The following IMMP2L variants were observed in gnomAD, a reference collection of about 807,000 sequenced individuals.
The protein encoded by IMMP2L is mitochondrial inner membrane protease subunit 2.
In IMMP2L, 18 loss-of-function variants were observed where a neutral mutation model predicts 19.3. The ratio of observed to expected loss-of-function variants is 0.93; its 90% CI spans 0.64 to 1.38. The LOEUF (loss-of-function observed/expected upper bound fraction) is 1.38. Among genes scored for constraint, IMMP2L ranks in the 40% most tolerant of loss-of-function variants. The pLI is 0.00. For synonymous variants in IMMP2L, 76 were observed against 73.0 expected, an observed-to-expected ratio of 1.04 and a Z score of -0.21; for missense variants, 233 against 218.2, an observed-to-expected ratio of 1.07 and a Z score of -0.43.
chr7:111,239,330 G>T (rs974807336), intron 3 of IMMP2L, among the ~76,000 whole-genome samples: 4 of 151,618 alleles, frequency 2.6e-5, no homozygotes, highest in Admixed American at 6.6e-5. Context: ...CCATCTCCTA[G>T]GCCCTAATTT....
chr7:111,198,076 C>A (rs1028617084), intron 3 of IMMP2L, among the ~76,000 whole-genome samples: 1 of 152,112 alleles, frequency 6.6e-6, no homozygotes, highest in East Asian at 1.9e-4. Context: ...CACTTTTTCA[C>A]CAAGGATTCC....
chr7:111,308,038 G>A (rs1323091755), intron 3 of IMMP2L, among the ~76,000 whole-genome samples: 1 of 151,896 alleles, frequency 6.6e-6, no homozygotes, highest in Non-Finnish European at 1.5e-5. Flanking sequence ...TAGTGATATA[G>A]TTCAACTCAG....
At chr7:111,528,212 G>A (rs1368656701) in intron 1 of IMMP2L, among the ~76,000 whole-genome samples, 3 of 152,022 alleles carry the variant, frequency 2.0e-5, no homozygotes, top group Non-Finnish European at 4.4e-5. Flanking sequence ...CCGGTCTTTT[G>A]TTCACACCTT....
intron 2 of IMMP2L, among the ~76,000 whole-genome samples, chr7:111,498,176 A>C (rs893921049): frequency 2.0e-5 from 3 of 152,106 alleles, no homozygotes; most frequent in Non-Finnish European, 4.4e-5. Context: ...CAAGGTTCAA[A>C]TCTGCAAAGT....
At chr7:111,024,807 AG>A (rs1476674986) in intron 3 of IMMP2L, among the ~76,000 whole-genome samples, 1 of 152,192 alleles carries the variant, frequency 6.6e-6, no homozygotes, top group African/African-American at 2.4e-5. Flanking sequence ...AAAGAAAAAT[AG>A]CAGAGAGAAG....
At chr7:110,828,361 A>G (rs1355325860) in intron 5 of IMMP2L, among the ~76,000 whole-genome samples, 2 of 152,164 alleles carry the variant, frequency 1.3e-5, no homozygotes, top group African/African-American at 4.8e-5. Context: ...TAAGAGCGTT[A>G]GGTCTGGAAT....
intron 5 of IMMP2L, among the ~76,000 whole-genome samples, chr7:110,677,443 G>A (rs1275136886): frequency 5.9e-5 from 9 of 152,156 alleles, no homozygotes; most frequent in Middle Eastern, 3.4e-3. Context: ...GACTAGGTTC[G>A]TACAGAGAAC....
chr7:111,429,206 G>A (rs1044457408), intron 3 of IMMP2L, among the ~76,000 whole-genome samples: 1 of 151,864 alleles, frequency 6.6e-6, no homozygotes, highest in African/African-American at 2.4e-5. Flanking sequence ...ACTGCATGTA[G>A]GGAAATGCAT....
chr7:110,769,462 C>G (rs535512869), intron 5 of IMMP2L, among the ~76,000 whole-genome samples: 2 of 152,282 alleles, frequency 1.3e-5, no homozygotes, highest in African/African-American at 4.8e-5. Context: ...AGGTCTCCTC[C>G]TTCCTTTTTC....
At chr7:110,863,028 A>T (rs1807611831) in intron 5 of IMMP2L, among the ~76,000 whole-genome samples, 1 of 151,854 alleles carries the variant, frequency 6.6e-6, no homozygotes, top group Non-Finnish European at 1.5e-5. Context: ...AAATTCTGAT[A>T]CTCTGGCTAC....
At chr7:111,006,404 C>A (rs1242804171) in intron 3 of IMMP2L, among the ~76,000 whole-genome samples, 1 of 152,130 alleles carries the variant, frequency 6.6e-6, no homozygotes, top group Non-Finnish European at 1.5e-5. Flanking sequence ...TTCATAGACG[C>A]ATAGACTTTT....
intron 1 of IMMP2L, among the ~76,000 whole-genome samples, chr7:111,557,365 T>C (rs1019262076): frequency 7.9e-5 from 12 of 152,188 alleles, no homozygotes; most frequent in Non-Finnish European, 1.8e-4. Flanking sequence ...CTAGGAAGTG[T>C]ACCCTGAACT....
intron 3 of IMMP2L, among the ~76,000 whole-genome samples, chr7:110,982,893 C>A (rs947807929): frequency 2.6e-5 from 4 of 152,098 alleles, no homozygotes; most frequent in Non-Finnish European, 5.9e-5. Context: ...TGAAAAATCA[C>A]ATGATAGAAC....
In IMMP2L at chr7:111,149,941, C is replaced by T. The variant is rs190633826; in HGVS notation, c.240-186376G>A. Among the ~76,000 whole-genome samples, 13 of 152,232 alleles carry T rather than the reference C, an allele frequency of 8.5e-5. No homozygotes were observed. In the East Asian group the frequency reaches 1.2e-3, roughly 14 times the overall value. On this transcript the variant is annotated intron_variant, in intron 3 of 5. Transcript: ENST00000405709. ...ACAACTGCTGGCTATTCTTATACCC[C>T]GTGAAGTAATACACTGACAGTTCAC...
intron 5 of IMMP2L, among the ~76,000 whole-genome samples, chr7:110,866,380 G>C (rs1807983378): frequency 6.6e-6 from 1 of 151,814 alleles, no homozygotes; most frequent in African/African-American, 2.4e-5. Context: ...ATTCAGATAA[G>C]AGGGAAGAGG....
Position 111,139,682 on chromosome 7 carries a change from G to A in IMMP2L, c.240-176117C>T, listed in dbSNP as rs537049255. Among the ~76,000 whole-genome samples, 6 of 152,138 alleles carry A rather than the reference G, an allele frequency of 3.9e-5. No homozygotes were observed. In the South Asian group the frequency reaches 8.3e-4, roughly 21 times the overall value. ...TTTGTAACAGAAGACACATAAAATA[G>A]TGTCTATTCACTTTATAAAAATAGC... On this transcript the variant is annotated intron_variant, in intron 3 of 5. Transcript: ENST00000405709.
intron 4 of IMMP2L, chr7:110,962,937 C>CA: frequency 7.1e-7 from 1 of 1,414,272 alleles, no homozygotes; most frequent in South Asian, 1.7e-5. Context: ...TGAATGTCAA[C>CA]AATTGTTCTT....
At chr7:111,173,774 A>G (rs556070671) in intron 3 of IMMP2L, among the ~76,000 whole-genome samples, 11 of 151,738 alleles carry the variant, frequency 7.2e-5, no homozygotes, top group African/African-American at 2.7e-4. Flanking sequence ...GTAAATGAAA[A>G]CTAATCAGTC....
At chr7:110,771,623 C>T (rs569569068) in intron 5 of IMMP2L, among the ~76,000 whole-genome samples, 6 of 152,152 alleles carry the variant, frequency 3.9e-5, no homozygotes, top group Non-Finnish European at 7.3e-5. Context: ...AGAATATGTT[C>T]ACACATAGAA....
Sources: allele counts gnomAD v4.1 joint callset (sites outside exome capture counted in the v4.1 genomes callset), GRCh38; gene constraint gnomAD v4.1.1; transcripts MANE v1.5; gene names NCBI Gene and HGNC (gene_info 2026-07-23, HGNC 2026-07-21).